ARHGEF18: variants seen among roughly 807,000 people sequenced by gnomAD.
The protein encoded by ARHGEF18 is rho guanine nucleotide exchange factor 18.
In ARHGEF18, 93 loss-of-function variants were observed where a neutral mutation model predicts 155.7. The observed-to-expected ratio is 0.60, with a 90% confidence interval of 0.50 to 0.71. The LOEUF (loss-of-function observed/expected upper bound fraction) is 0.71, where lower values mean the gene tolerates loss of function less well. Ranked by LOEUF, ARHGEF18 falls within the 30% of genes least tolerant of loss-of-function variation. ARHGEF18 has a pLI of 0.00. For missense variants in ARHGEF18, 1,593 were observed against 1,816.1 expected (o/e 0.88, Z 2.23); for synonymous variants, 742 against 753.1 (o/e 0.99, Z 0.24).
chr19:7,378,524 G>A, intron 6 of ARHGEF18, 73 bp downstream of exon 6: 1 of 1,178,292 alleles, frequency 8.5e-7, no homozygotes, highest in South Asian at 4.3e-5. Context: ...CGGGAGGAGG[G>A]CTGCCAGGGT....
intron 10 of ARHGEF18, among the ~76,000 whole-genome samples, chr19:7,394,292 G>GTTGCC (rs1971555097): frequency 6.6e-6 from 1 of 152,076 alleles, no homozygotes; most frequent in Non-Finnish European, 1.5e-5. Context: ...GTCTTGCTAT[G>GTTGCC]TTGCCCAGAC....
At chr19:7,399,590 C>G (rs964343881) in intron 10 of ARHGEF18, among the ~76,000 whole-genome samples, 4 of 151,752 alleles carry the variant, frequency 2.6e-5, no homozygotes, top group Non-Finnish European at 4.4e-5. Context: ...ACGCCATTCT[C>G]CTGCCTCAGC....
chr19:7,465,377 A>G (rs1390281996), intron 23 of ARHGEF18, among the ~76,000 whole-genome samples: 2 of 149,212 alleles, frequency 1.3e-5, no homozygotes, highest in Admixed American at 1.3e-4. Context: ...CCATAATCCC[A>G]GTGTTTTGGG....
Position 7,456,422 on chromosome 19 carries a change from C to T in ARHGEF18, c.2181+19C>T, listed in dbSNP as rs200205742. 3.7e-6 allele frequency: 6 copies of T among 1,611,362 alleles called. No homozygotes were observed. The highest frequency in any genetic ancestry group is 5.1e-6 in the Non-Finnish European group (6 of 1,177,540). ...TTCTGTGGTATGTATCCTGTCTCTT[C>T]AGACGAAGGGTCGGCTGGGTGCTGT... On this transcript the variant is annotated intron_variant, in intron 18 of 28. Transcript: ENST00000668164.
Position 7,383,989 on chromosome 19 carries a change from G to A in ARHGEF18, c.967+786G>A, listed in dbSNP as rs192836960. Among the ~76,000 whole-genome samples, 279 of 152,220 alleles carry A rather than the reference G, an allele frequency of 1.8e-3. 2 individuals are homozygous for A. Among genetic ancestry groups the A allele is most frequent in the Non-Finnish European group, 3.1e-3 (210 of 68,032 alleles). The stretch of plus-strand genomic sequence containing the variant: ...GAAAGAGATGGCTCTGGTCATTGCC[G>A]GGATTTAGAACTTTGTCTTTTTGCA... On this transcript the variant is annotated intron_variant, in intron 10 of 28. Coordinates refer to ENST00000668164, the MANE Select transcript of ARHGEF18 (RefSeq NM_001367823.1).
chr19:7,381,367 G>A (rs1463069817), intron 8 of ARHGEF18, among the ~76,000 whole-genome samples: 3 of 152,110 alleles, frequency 2.0e-5, no homozygotes, highest in Admixed American at 6.6e-5. Context: ...ACACAAAGGC[G>A]CTCACACTTT....
chr19:7,471,124 C>G lies in ARHGEF18; in HGVS notation c.*826C>G, dbSNP rs554210908. ...AGCGGGCCTCTAGCTTCAGCCAGGGCGGGTACACACCCTGGGCACAGGGTC... is the reference window on the plus strand; with the variant it reads ...AGCGGGCCTCTAGCTTCAGCCAGGGGGGGTACACACCCTGGGCACAGGGTC... On this transcript the variant is annotated 3_prime_UTR_variant, in exon 29 of 29. Coordinates refer to ENST00000668164, the MANE Select transcript of ARHGEF18 (RefSeq NM_001367823.1). This position sits in a 1 kb window ranked among gnomAD's most constrained non-coding sequence, Gnocchi z 4.4. 2 of 282,388 alleles carry G rather than the reference C, an allele frequency of 7.1e-6. No individual in the cohort carries two copies. Among genetic ancestry groups the G allele is most frequent in the South Asian group, 3.4e-4 (2 of 5,950 alleles). 17.5% of individuals were successfully genotyped at this position (282,388 alleles called of 1,614,324 possible). A position where few individuals can be genotyped will look rare whatever the true frequency, so the allele number is the denominator to read the frequency against.
chr19:7,395,115 C>T lies in ARHGEF18; in HGVS notation c.967+11912C>T. On this transcript the variant is annotated intron_variant, in intron 10 of 28. Coordinates refer to ENST00000668164, the MANE Select transcript of ARHGEF18 (RefSeq NM_001367823.1). This position sits in a 1 kb window ranked among gnomAD's most constrained non-coding sequence, Gnocchi z 5.0. ...GGGATCGCGCATGCGCTGCTCTCCT[C>T]GCGCGGCTTCCCGCTTCCGGCTCCC... 1.0e-6 allele frequency: 1 copy of T among 985,552 alleles called. No homozygotes were observed. Among genetic ancestry groups the T allele is most frequent in the Non-Finnish European group, 1.2e-6 (1 of 830,004 alleles). The allele number at this position is 985,552 out of a possible 1,614,324, so 61.1% of individuals were successfully genotyped here. A position where few individuals can be genotyped will look rare whatever the true frequency, so the allele number is the denominator to read the frequency against.
downstream of ARHGEF18, among the ~76,000 whole-genome samples, chr19:7,475,164 G>A (rs542886827): frequency 7.4e-4 from 112 of 152,286 alleles, no homozygotes; most frequent in Non-Finnish European, 9.1e-4. Context: ...CCCAGGAGGC[G>A]GAGGTTGCAG....
At chr19:7,384,121 T>C (rs986084194) in intron 10 of ARHGEF18, among the ~76,000 whole-genome samples, 1 of 152,224 alleles carries the variant, frequency 6.6e-6, no homozygotes, top group African/African-American at 2.4e-5. Flanking sequence ...AGTCTGTGGC[T>C]GGCAGAACTC....
chr19:7,419,800 A>C (rs1422369100), intron 10 of ARHGEF18, among the ~76,000 whole-genome samples: 1 of 152,006 alleles, frequency 6.6e-6, no homozygotes, highest in East Asian at 1.9e-4. Flanking sequence ...AAGCCCATGC[A>C]GGTGGCCCTT....
chr19:7,432,968 T>C (rs1302338299), intron 10 of ARHGEF18, among the ~76,000 whole-genome samples: 1 of 152,168 alleles, frequency 6.6e-6, no homozygotes, highest in Non-Finnish European at 1.5e-5. Context: ...AAGACCAGCC[T>C]GGGCGACATA....
intron 10 of ARHGEF18, among the ~76,000 whole-genome samples, chr19:7,393,027 GAC>G (rs1269287429): frequency 2.6e-5 from 3 of 117,234 alleles, no homozygotes; most frequent in Non-Finnish European, 4.9e-5. Flanking sequence ...CAGCCTAAGT[GAC>G]AGAGTGAGAT....
Position 7,395,192 on chromosome 19 carries a change from G to T in ARHGEF18, c.967+11989G>T. 6.1e-6 allele frequency: 6 copies of T among 986,246 alleles called. No homozygotes were observed. Among genetic ancestry groups the T allele is most frequent in the Non-Finnish European group, 7.2e-6 (6 of 830,590 alleles). The allele number at this position is 986,246 out of a possible 1,614,324, so 61.1% of individuals were successfully genotyped here. Reference sequence around the variant, plus strand: ...GGGCCGGACGGAGGCATCGGAGGCGGCTGCGAGAGTGGCAGAGGAGCTGGC... The same window carrying T: ...GGGCCGGACGGAGGCATCGGAGGCGTCTGCGAGAGTGGCAGAGGAGCTGGC... On this transcript the variant is annotated intron_variant, in intron 10 of 28. Coordinates refer to ENST00000668164, the MANE Select transcript of ARHGEF18 (RefSeq NM_001367823.1). The surrounding 1 kb of genome is among the most constrained non-coding windows in gnomAD (Gnocchi z 5.0).
rs759853169 is a variant in ARHGEF18, at chr19:7,459,940, G to A, written c.2398G>A (p.Glu800Lys). ...DEEEGPFSLP[E>K]EERKVVEARA... ...GGAGGAGGGGCCCTTCAGCCTGCCC[G>A]AAGAGGAAAGGAAGGTGGTCGAGGC... Residue 800 changes from glutamate (E) to lysine (K), a missense_variant, in exon 20 of 29, where the codon GAA becomes AAA. Coordinates refer to ENST00000668164, the MANE Select transcript of ARHGEF18 (RefSeq NM_001367823.1). 9.4e-6 allele frequency: 15 copies of A among 1,590,536 alleles called. No individual in the cohort carries two copies. Among genetic ancestry groups the A allele is most frequent in the East Asian group, 2.3e-5 (1 of 43,746 alleles).
intron 18 of ARHGEF18, among the ~76,000 whole-genome samples, chr19:7,457,933 G>A (rs547506012): frequency 4.6e-5 from 7 of 152,152 alleles, no homozygotes; most frequent in Admixed American, 2.0e-4. Context: ...GAGCTTTCTC[G>A]TGTGTATGTG....
At chr19:7,403,990 G>A (rs1033449585) in intron 10 of ARHGEF18, among the ~76,000 whole-genome samples, 1 of 151,444 alleles carries the variant, frequency 6.6e-6, no homozygotes, top group Admixed American at 6.6e-5. Context: ...ACTTGAACCC[G>A]GGAGGCGGCG....
At chr19:7,447,962 C>T (rs1292567417) in intron 15 of ARHGEF18, among the ~76,000 whole-genome samples, 1 of 152,164 alleles carries the variant, frequency 6.6e-6, no homozygotes, top group Non-Finnish European at 1.5e-5. Context: ...GATCCCATCT[C>T]TATTATATAA....
At chr19:7,358,506 A>T (rs538458406) in intron 1 of ARHGEF18, among the ~76,000 whole-genome samples, 1 of 151,468 alleles carries the variant, frequency 6.6e-6, no homozygotes, top group Non-Finnish European at 1.5e-5. Flanking sequence ...TCATCCATCC[A>T]TCCATCCTTC....
Sources: allele counts gnomAD v4.1 joint callset (sites outside exome capture counted in the v4.1 genomes callset), GRCh38; gene constraint gnomAD v4.1.1; non-coding constraint Gnocchi (gnomAD v3.1); transcripts MANE v1.5; gene names NCBI Gene and HGNC (gene_info 2026-07-23, HGNC 2026-07-21).